Variants in ATP2B2 observed in about 807,000 individuals in gnomAD.
ATP2B2 encodes ATPase plasma membrane Ca2+ transporting 2.
In ATP2B2, 15 loss-of-function variants were observed where a neutral mutation model predicts 120.0. The ratio of observed to expected loss-of-function variants is 0.12; its 90% confidence interval spans 0.08 to 0.19. The LOEUF (loss-of-function observed/expected upper bound fraction) is 0.19. Among genes scored for constraint, ATP2B2 ranks in the 10% least tolerant of loss-of-function variants. The pLI is 1.00. For missense variants in ATP2B2, 1,045 were observed against 1,719.8 expected (o/e 0.61, Z 6.94); for synonymous variants, 694 against 700.3 (o/e 0.99, Z 0.14).
chr3:10,470,237 G>A (rs1206377374), intron 1 of ATP2B2, among the ~76,000 whole-genome samples: 13 of 152,184 alleles, frequency 8.5e-5, no homozygotes, highest in Admixed American at 8.5e-4. Context: ...AGGACCCGGG[G>A]CTATGCACCT....
chr3:10,524,997 G>C (rs2067062402), intron 3 of ATP2B2, among the ~76,000 whole-genome samples: 1 of 152,188 alleles, frequency 6.6e-6, no homozygotes, highest in Non-Finnish European at 1.5e-5. Flanking sequence ...CCTGCATCGA[G>C]ACTGGCAGGA....
At chr3:10,368,259 A>T (rs2061124386) in intron 12 of ATP2B2, among the ~76,000 whole-genome samples, 1 of 151,964 alleles carries the variant, frequency 6.6e-6, no homozygotes, top group Non-Finnish European at 1.5e-5. Context: ...GGCTGAGGGT[A>T]GTTGTGGAAG....
At chr3:10,503,441 C>G (rs7618363) in intron 1 of ATP2B2, among the ~76,000 whole-genome samples, 29,204 of 152,266 alleles carry the variant, frequency 0.19, 3,113 homozygotes, top group African/African-American at 0.29. Flanking sequence ...TCACAGCTCC[C>G]TGGGAATACG....
chr3:10,652,345 G>A (rs767003382), intron 1 of ATP2B2, among the ~76,000 whole-genome samples: 7 of 152,190 alleles, frequency 4.6e-5, no homozygotes, highest in Non-Finnish European at 1.0e-4. Flanking sequence ...AAAATAAAAT[G>A]ATGGGCAGTC....
chr3:10,351,653 T>C (rs1356831435), intron 14 of ATP2B2, among the ~76,000 whole-genome samples: 1 of 152,218 alleles, frequency 6.6e-6, no homozygotes, highest in Admixed American at 6.5e-5. Context: ...TACCTGTGTA[T>C]GTGACCTTGC....
chr3:10,621,363 C>T (rs2069543207), intron 1 of ATP2B2, among the ~76,000 whole-genome samples: 1 of 152,212 alleles, frequency 6.6e-6, no homozygotes, highest in Admixed American at 6.5e-5. Context: ...AGCTTGGGAG[C>T]CCCAGAGCTC....
upstream of ATP2B2, among the ~76,000 whole-genome samples, chr3:10,507,188 G>T (rs532900012): frequency 6.6e-6 from 1 of 152,306 alleles, no homozygotes; most frequent in East Asian, 1.9e-4. Flanking sequence ...GCCAGGCAAG[G>T]CTCCCTGCTG....
intron 1 of ATP2B2, among the ~76,000 whole-genome samples, chr3:10,484,907 C>T (rs978658051): frequency 6.6e-6 from 1 of 152,254 alleles, no homozygotes; most frequent in African/African-American, 2.4e-5. Context: ...CCTCAGTTTC[C>T]TCAGCTGTGA....
intron 1 of ATP2B2, among the ~76,000 whole-genome samples, chr3:10,692,283 TA>T (rs1410828194): frequency 3.9e-5 from 6 of 152,224 alleles, no homozygotes; most frequent in Non-Finnish European, 8.8e-5. Context: ...AAAGTGAGCC[TA>T]AAATAGCTGC....
intron 2 of ATP2B2, among the ~76,000 whole-genome samples, chr3:10,412,798 C>T (rs954365667): frequency 1.3e-5 from 2 of 152,166 alleles, no homozygotes; most frequent in African/African-American, 4.8e-5. Flanking sequence ...CGAGCCTGGC[C>T]CGAGGTGTGC....
intron 2 of ATP2B2, among the ~76,000 whole-genome samples, chr3:10,418,484 C>T (rs2062863384): frequency 6.6e-6 from 1 of 152,186 alleles, no homozygotes; most frequent in Admixed American, 6.5e-5. Flanking sequence ...GGGCACCTCA[C>T]ACTGAGAGGC....
intron 1 of ATP2B2, among the ~76,000 whole-genome samples, chr3:10,630,111 C>A (rs2069821090): frequency 6.6e-6 from 1 of 152,096 alleles, no homozygotes; most frequent in Non-Finnish European, 1.5e-5. Context: ...CAGCAGCAGG[C>A]AACAGTTAAA....
intron 12 of ATP2B2, among the ~76,000 whole-genome samples, chr3:10,363,767 G>A (rs1451402192): frequency 6.6e-6 from 1 of 151,804 alleles, no homozygotes; most frequent in African/African-American, 2.4e-5. Context: ...GAACTCCTGT[G>A]CACTATTGGT....
At chr3:10,462,609 G>A (rs2064540119) in intron 1 of ATP2B2, among the ~76,000 whole-genome samples, 1 of 152,226 alleles carries the variant, frequency 6.6e-6, no homozygotes, top group African/African-American at 2.4e-5. Flanking sequence ...TACAGATGAG[G>A]AGACTGAGGC....
rs756350386 is a variant in ATP2B2 at position 10,402,339 on chromosome 3, G to T, written c.407C>A (p.Thr136Lys). The part of the protein sequence containing the change: ...PPGEGNEGCA[T>K]AQGGAEDEGE... ...TTCATCCTCTGCCCCACCCTGGGCC[G>T]TCGCACATCCTGAAAGACCAGATAG... is the stretch of plus-strand genomic sequence containing the variant. Residue 136 changes from threonine to lysine, a missense_variant, in exon 4 of 23, where the codon ACG becomes AAG. By Grantham distance (78) the Thr-to-Lys change is moderately conservative. This residue lies in a region of ATP2B2 where 35 missense variants were observed against 37.2 expected (regional missense o/e 0.94). Coordinates refer to ENST00000360273, the MANE Select transcript of ATP2B2 (RefSeq NM_001001331.4). This position sits in a 1 kb window ranked among gnomAD's most constrained non-coding sequence, Gnocchi z 4.9. The T allele has an allele frequency of 1.2e-6, 2 of 1,613,270 alleles. No homozygotes were observed. Among genetic ancestry groups the T allele is most frequent in the Non-Finnish European group, 1.7e-6 (2 of 1,180,042 alleles).
intron 2 of ATP2B2, among the ~76,000 whole-genome samples, chr3:10,569,424 T>C (rs555518294): frequency 3.3e-5 from 5 of 152,272 alleles, no homozygotes; most frequent in Admixed American, 2.0e-4. Flanking sequence ...GAAATAGGAT[T>C]GGGGGCCAAC....
chr3:10,639,655 C>T (rs80169777), intron 1 of ATP2B2, among the ~76,000 whole-genome samples: 3,513 of 152,206 alleles, frequency 0.023, 69 homozygotes, highest in South Asian at 0.087. Context: ...ATCAAGGCAC[C>T]CAGAGACTAG....
At chr3:10,535,177 TAC>T (rs1174587311) in intron 2 of ATP2B2, among the ~76,000 whole-genome samples, 2 of 152,294 alleles carry the variant, frequency 1.3e-5, no homozygotes, top group Admixed American at 1.3e-4. Context: ...GTGCTAGGAT[TAC>T]AGGCATGAGC....
chr3:10,650,582 T>A (rs908827879), intron 1 of ATP2B2, among the ~76,000 whole-genome samples: 2 of 152,198 alleles, frequency 1.3e-5, no homozygotes, highest in African/African-American at 4.8e-5. Flanking sequence ...TGAATGTTAA[T>A]CTCCAAGAAA....
Sources: gnomAD v4.1 joint callset for allele counts (sites outside exome capture counted in the v4.1 genomes callset) on GRCh38, gnomAD v4.1.1 for gene constraint, gnomAD v4.1.1 regional missense constraint, Gnocchi (gnomAD v3.1) non-coding constraint, MANE v1.5 for transcripts, NCBI Gene and HGNC (gene_info 2026-07-23, HGNC 2026-07-21) for gene names.